ACOT11: variants seen among roughly 807,000 people sequenced by gnomAD.
ACOT11 encodes acyl-CoA thioesterase 11, also known as acyl-coenzyme A thioesterase 11.
Under a neutral mutation model 77.5 loss-of-function variants are expected in ACOT11, and 69 were observed. The observed-to-expected ratio is 0.89, with a 90% CI of 0.73 to 1.09. The LOEUF (loss-of-function observed/expected upper bound fraction) is 1.09, where lower values mean the gene tolerates loss of function less well. Ranked by LOEUF, ACOT11 falls within the 50% of genes least tolerant of loss-of-function variation. The probability of loss-of-function intolerance (pLI) is 0.00; values close to 1 mark genes in which losing one functional copy is unlikely to be tolerated. For synonymous variants in ACOT11, 279 were observed against 313.0 expected, an observed-to-expected ratio of 0.89 and a Z score of 1.15; for missense variants, 766 against 813.7, an observed-to-expected ratio of 0.94 and a Z score of 0.71.
At chr1:54,634,659 G>T in intron 16 of ACOT11, 1 of 700,340 alleles carries the variant, frequency 1.4e-6, no homozygotes, top group Non-Finnish European at 2.6e-6. Context: ...TAATAATTTG[G>T]GGTAGAGGTT....
At chr1:54,572,477 A>T (rs1653957594) in intron 1 of ACOT11, among the ~76,000 whole-genome samples, 1 of 152,052 alleles carries the variant, frequency 6.6e-6, no homozygotes, top group Non-Finnish European at 1.5e-5. Flanking sequence ...ACAGCCCCAG[A>T]ATGGCCCACC....
chr1:54,580,055 T>G (rs561768211), intron 1 of ACOT11, among the ~76,000 whole-genome samples: 2 of 152,360 alleles, frequency 1.3e-5, no homozygotes, highest in South Asian at 2.1e-4. Context: ...ATACTTGGTG[T>G]TGTTTAATTT....
chr1:54,608,012 G>A lies in ACOT11; in HGVS notation c.1573G>A (p.Gly525Arg), dbSNP rs780477541. 14 of 1,613,430 alleles carry A rather than the reference G, an allele frequency of 8.7e-6. No homozygotes were observed. Among genetic ancestry groups the A allele is most frequent in the Admixed American group, 1.7e-5 (1 of 59,976 alleles). ...CCGAGAGACGCCAGAGTACAGACGC[G>A]GAGAGACCCTCTGCTCAGGCTTCTG... ...THRETPEYRR[G>R]ETLCSGFCLW... The change falls in exon 15 of 16, where the codon GGA (glycine) becomes AGA (arginine). Residue 525 changes from glycine (G) to arginine (R), a missense_variant. Physicochemically the swap from Gly to Arg is moderately radical, Grantham distance 125 (BLOSUM62 -2). Coordinates refer to ENST00000343744, the MANE Select transcript of ACOT11 (RefSeq NM_147161.4).
intron 1 of ACOT11, among the ~76,000 whole-genome samples, chr1:54,562,237 T>A (rs1653535206): frequency 1.0e-5 from 1 of 97,040 alleles, no homozygotes; most frequent in East Asian, 3.3e-4. Context: ...CCCACCTCCC[T>A]CCCGGACGGG....
At chr1:54,625,568 T>G (rs1193867922) in intron 15 of ACOT11, among the ~76,000 whole-genome samples, 1 of 152,082 alleles carries the variant, frequency 6.6e-6, no homozygotes, top group Non-Finnish European at 1.5e-5. Context: ...ACATCTCGAG[T>G]AACAACCACA....
chr1:54,563,515 G>C (rs4367748), intron 1 of ACOT11, among the ~76,000 whole-genome samples: 1 of 152,226 alleles, frequency 6.6e-6, no homozygotes, highest in Admixed American at 6.5e-5. Context: ...AGAAAAGCCT[G>C]AAACTTAGTA....
chr1:54,556,587 G>GT (rs202144291), intron 1 of ACOT11, among the ~76,000 whole-genome samples: 7,483 of 145,770 alleles, frequency 0.051, 200 homozygotes, highest in Non-Finnish European at 0.059. Flanking sequence ...TCATTGTAGA[G>GT]TTTTTTTTTT....
At chr1:54,562,632 G>C (rs1569655470) in intron 1 of ACOT11, among the ~76,000 whole-genome samples, 1 of 142,132 alleles carries the variant, frequency 7.0e-6, no homozygotes, top group East Asian at 2.1e-4. Flanking sequence ...CGGGCGGAGG[G>C]GCTCCTCACT....
In ACOT11 at chr1:54,580,043, A is replaced by G. The variant is rs548276425; in HGVS notation, c.34-4612A>G. 5.3e-5 allele frequency among the ~76,000 whole-genome samples: 8 copies of G among 152,318 alleles called. No individual in the cohort carries two copies. In the East Asian group the frequency reaches 1.5e-3, roughly 29 times the overall value. On this transcript the variant is annotated intron_variant, in intron 1 of 15. Transcript: ENST00000343744. The stretch of plus-strand genomic sequence containing the variant: ...AGGGTATATGTGTGCCAGGAGCTTC[A>G]TATACTTGGTGTTGTTTAATTTCCT...
chr1:54,552,830 G>GT (rs199905803), intron 1 of ACOT11, among the ~76,000 whole-genome samples: 1,454 of 132,248 alleles, frequency 0.011, 26 homozygotes, highest in African/African-American at 0.035. Flanking sequence ...TTTTTGTTTT[G>GT]TTTTTTTTTT....
intron 10 of ACOT11, among the ~76,000 whole-genome samples, 194 bp from the exon 11 acceptor site, chr1:54,603,677 C>T (rs1267385103): frequency 6.6e-6 from 1 of 152,126 alleles, no homozygotes; most frequent in Non-Finnish European, 1.5e-5. Context: ...CTGAGCTTTC[C>T]CTGGTGTAGG....
rs935285742 is a variant in ACOT11 at position 54,550,026 on chromosome 1, G to A, written c.33+1684G>A. Among the ~76,000 whole-genome samples the A allele has an allele frequency of 8.5e-5, 13 of 152,344 alleles. No individual in the cohort carries two copies. In the East Asian group the frequency reaches 2.1e-3, roughly 25 times the overall value. On this transcript the variant is annotated intron_variant, in intron 1 of 15. Transcript: ENST00000343744. The stretch of plus-strand genomic sequence containing the variant: ...CTCTTTGCATTTATGAACTCATTCA[G>A]TTCTCTATGAGGTAGGTACAGTTAT...
Position 54,601,433 on chromosome 1 carries a change from T to A in ACOT11, c.1029+20T>A. 1 of 1,606,156 alleles carries A rather than the reference T, an allele frequency of 6.2e-7. No homozygotes were observed. The highest frequency in any genetic ancestry group is 2.2e-5 in the East Asian group (1 of 44,796). ...CCCGGCGTAAGTGGGACCAGCGCCC[T>A]GCCCCACCAGCAGCTCCCCTCCCCT... On this transcript the variant is annotated intron_variant, in intron 9 of 15. Transcript: ENST00000343744.
chr1:54,594,468 C>G, intron 5 of ACOT11, 88 bp from the exon 6 acceptor site: 1 of 1,492,960 alleles, frequency 6.7e-7, no homozygotes, highest in East Asian at 2.4e-5. Flanking sequence ...GTGCTAGCCT[C>G]GGGCATGGCA....
chr1:54,563,082 G>A (rs12080375), intron 1 of ACOT11, among the ~76,000 whole-genome samples: 5,723 of 151,672 alleles, frequency 0.038, 271 homozygotes, highest in African/African-American at 0.13. Context: ...CGGGCCCTGC[G>A]GGGCCCGTCC....
intron 1 of ACOT11, among the ~76,000 whole-genome samples, chr1:54,567,904 T>C (rs1379787387): frequency 6.6e-6 from 1 of 152,192 alleles, no homozygotes; most frequent in African/African-American, 2.4e-5. Context: ...AGAGTGATCT[T>C]ACAACGCAGG....
In ACOT11 at chr1:54,609,101, CAGACCCTCT is replaced by C; in HGVS notation, c.1778_*1del. 6.2e-7 allele frequency: 1 copy of C among 1,614,130 alleles called. No individual in the cohort carries two copies. Among genetic ancestry groups the C allele is most frequent in the Non-Finnish European group, 8.5e-7 (1 of 1,180,008 alleles). On this transcript the variant is annotated stop_lost and inframe_deletion, in exon 16 of 16. Coordinates refer to ENST00000343744, the MANE Select transcript of ACOT11 (RefSeq NM_147161.4). ...CCGGAATGATCTGGCCCCCAGCCTCCAGACCCTCTAGATGCCCTCAGTGGCCACATCATG... is the reference window on the plus strand; with the variant it reads ...CCGGAATGATCTGGCCCCCAGCCTCCAGATGCCCTCAGTGGCCACATCATG...
intron 7 of ACOT11, chr1:54,597,667 C>T (rs1557661646): frequency 3.7e-6 from 2 of 538,896 alleles, no homozygotes; most frequent in South Asian, 4.5e-5. Flanking sequence ...TCTGGCCCTA[C>T]CTGCACTCCT....
chr1:54,632,993 C>A (rs1296962654), intron 16 of ACOT11, among the ~76,000 whole-genome samples: 10 of 152,118 alleles, frequency 6.6e-5, no homozygotes, highest in Admixed American at 2.6e-4. Flanking sequence ...AATCATACAG[C>A]CCTCAAAGTC....
Sources: gnomAD v4.1 joint callset for allele counts (sites outside exome capture counted in the v4.1 genomes callset) on GRCh38, gnomAD v4.1.1 for gene constraint, MANE v1.5 for transcripts, NCBI Gene and HGNC (gene_info 2026-07-23, HGNC 2026-07-21) for gene names.